Variants in COL5A2 observed in about 807,000 individuals in gnomAD.
The protein encoded by COL5A2 is collagen alpha-2(V) chain.
Under a neutral mutation model 208.2 loss-of-function variants are expected in COL5A2, and 23 were observed. The observed-to-expected ratio is 0.11, with a 90% CI of 0.08 to 0.16. COL5A2 has a LOEUF of 0.16. COL5A2 is among the 10% of genes least tolerant of loss of function. The pLI, the probability that COL5A2 is intolerant of heterozygous loss-of-function variation, is 1.00. For synonymous variants in COL5A2, 625 were observed against 628.5 expected (o/e 0.99, Z 0.08); for missense variants, 1,590 against 1,956.4 (o/e 0.81, Z 3.53).
intron 1 of COL5A2, among the ~76,000 whole-genome samples, chr2:189,157,241 C>T (rs1234051207): frequency 6.6e-6 from 1 of 151,120 alleles, no homozygotes; most frequent in Non-Finnish European, 1.5e-5. Flanking sequence ...TCATATTTCA[C>T]ATTAAAAATG....
the COL5A2 span, among the ~76,000 whole-genome samples, chr2:189,360,475 T>G: frequency 6.6e-6 from 1 of 152,186 alleles, no homozygotes; most frequent in Non-Finnish European, 1.5e-5. Flanking sequence ...ATTTCTTTTT[T>G]TATTTCTTCA....
the COL5A2 span, among the ~76,000 whole-genome samples, chr2:189,316,092 CA>C: frequency 1.4e-4 from 21 of 152,268 alleles, no homozygotes; most frequent in South Asian, 1.2e-3. Flanking sequence ...CCATTCAACT[CA>C]GCAATTCCAT....
the COL5A2 span, among the ~76,000 whole-genome samples, chr2:189,385,197 C>T: frequency 6.6e-6 from 1 of 152,088 alleles, no homozygotes; most frequent in East Asian, 1.9e-4. Flanking sequence ...AGGAGTTAGA[C>T]TGATGATATG....
At chr2:189,216,536 A>T (rs1044439438) in intron 1 of COL5A2, among the ~76,000 whole-genome samples, 1 of 152,118 alleles carries the variant, frequency 6.6e-6, no homozygotes, top group Admixed American at 6.6e-5. Context: ...TGATATTACA[A>T]TCAAGGTTAT....
At chr2:189,373,528 T>C in the COL5A2 span, among the ~76,000 whole-genome samples, 1 of 152,190 alleles carries the variant, frequency 6.6e-6, no homozygotes, top group Non-Finnish European at 1.5e-5. Flanking sequence ...AAAATAAGCA[T>C]GCACTCTTCC....
the COL5A2 span, among the ~76,000 whole-genome samples, chr2:189,397,372 A>G: frequency 6.6e-6 from 1 of 152,200 alleles, no homozygotes; most frequent in Non-Finnish European, 1.5e-5. Context: ...GCAATGTAGT[A>G]AGAATATTTT....
At position 189,110,680 on chromosome 2, in the gene COL5A2, G is replaced by A. The variant is rs531078567; in HGVS notation, c.98-231C>T. ...GGGAAGAAATAAAAGTGATACAATG[G>A]AGGTATATTTTTTAACCAGATAATG... On this transcript the variant is annotated intron_variant, in intron 1 of 53. Coordinates refer to ENST00000374866, the MANE Select transcript of COL5A2 (RefSeq NM_000393.5). 3.9e-5 allele frequency among the ~76,000 whole-genome samples: 6 copies of A among 152,272 alleles called. No individual in the cohort carries two copies. In the East Asian group the frequency reaches 1.2e-3, roughly 29 times the overall value.
intron 6 of COL5A2, among the ~76,000 whole-genome samples, chr2:189,096,462 A>T (rs1686912525): frequency 6.6e-6 from 1 of 151,892 alleles, no homozygotes. Context: ...TCTACTAAAA[A>T]ATACAAAAAA....
intron 6 of COL5A2, chr2:189,095,737 T>C (rs1290122152): frequency 6.6e-6 from 1 of 152,034 alleles, no homozygotes; most frequent in Non-Finnish European, 1.5e-5. Flanking sequence ...ACTTACAGTG[T>C]ACAAATACAC....
At chr2:189,233,113 T>C in the COL5A2 span, among the ~76,000 whole-genome samples, 1 of 151,660 alleles carries the variant, frequency 6.6e-6, no homozygotes, top group African/African-American at 2.4e-5. Context: ...AAAACTTCCA[T>C]CAAAAGCAAG....
At chr2:189,066,556 G>T in intron 22 of COL5A2, 59 bp from the exon 23 acceptor site, 1 of 1,554,298 alleles carries the variant, frequency 6.4e-7, no homozygotes. Flanking sequence ...AATTATAGTT[G>T]GAAGCCTAAT....
the COL5A2 span, among the ~76,000 whole-genome samples, chr2:189,338,055 ATTTG>A: frequency 2.0e-5 from 3 of 152,228 alleles, no homozygotes; most frequent in Admixed American, 6.5e-5. Flanking sequence ...CAGATTTTAA[ATTTG>A]TTTAACTCTT....
At chr2:189,225,222 T>G (rs181357104) in exon 1 of COL5A2, among the ~76,000 whole-genome samples, 1 of 152,160 alleles carries the variant, frequency 6.6e-6, no homozygotes, top group Non-Finnish European at 1.5e-5. Context: ...GTACGAGAGA[T>G]AGCAGCAACT....
rs753194366 is a variant in COL5A2 at position 189,034,162 on chromosome 2, C to T, written c.4408G>A (p.Ala1470Thr). 5.0e-6 allele frequency: 8 copies of T among 1,613,958 alleles called. No individual in the cohort carries two copies. The Admixed American group carries it at 1.0e-4, about 20-fold the overall frequency. Residue 1470 changes from alanine (A) to threonine (T), a missense_variant, in exon 54 of 54, where the codon GCA (alanine) becomes ACA (threonine). Coordinates refer to ENST00000374866, the MANE Select transcript of COL5A2 (RefSeq NM_000393.5). ...TVFEYRTQNV[A>T]RLPIIDLAPV... is the part of the protein sequence containing the mutation. ...GCAAGATCTATGATGGGCAAGCGTG[C>T]CACATTCTGTGTTCTATATTCAAAG...
intron 27 of COL5A2, 29 bp downstream of exon 27, chr2:189,063,143 G>A (rs199685015): frequency 3.5e-5 from 56 of 1,611,376 alleles, no homozygotes; most frequent in Admixed American, 1.7e-4. Flanking sequence ...TCATGATGAG[G>A]TGGCCAACAT....
At position 189,063,248 on chromosome 2, in the gene COL5A2, C is replaced by T. The variant is rs529317104; in HGVS notation, c.1793G>A (p.Arg598His). Residue 598 changes from arginine (R) to histidine (H), a missense_variant, in exon 27 of 54, where the codon CGT becomes CAT. Transcript: ENST00000374866. ...TCCTATGGAGCCTGGAGGACCTGGA[C>T]GGCCATCTTCCCCTGGCGCACCCTA... ...GPLGAPGEDG[R>H]PGPPGSIGIR... The T allele has an allele frequency of 2.2e-5, 35 of 1,614,080 alleles. No homozygotes were observed. In the African/African-American group the frequency reaches 3.1e-4, roughly 14 times the overall value.
chr2:189,427,654 A>G, the COL5A2 span, among the ~76,000 whole-genome samples: 1 of 152,254 alleles, frequency 6.6e-6, no homozygotes, highest in Admixed American at 6.5e-5. Flanking sequence ...CCACAGGGAC[A>G]GAGCTTCCCA....
At chr2:189,319,660 C>T in the COL5A2 span, among the ~76,000 whole-genome samples, 3,684 of 152,348 alleles carry the variant, frequency 0.024, 160 homozygotes, top group African/African-American at 0.084. Flanking sequence ...GTAAACAAAG[C>T]GACCAGGAAG....
At chr2:189,365,945 CT>C in the COL5A2 span, among the ~76,000 whole-genome samples, 1 of 152,196 alleles carries the variant, frequency 6.6e-6, no homozygotes, top group African/African-American at 2.4e-5. Flanking sequence ...GATGAAATGT[CT>C]CATGTGCAAC....
Sources: gnomAD v4.1 joint callset for allele counts (sites outside exome capture counted in the v4.1 genomes callset) on GRCh38, gnomAD v4.1.1 for gene constraint, MANE v1.5 for transcripts, NCBI Gene and HGNC (gene_info 2026-07-23, HGNC 2026-07-21) for gene names.